The following TMEM178B variants were observed in gnomAD, a reference collection of about 807,000 sequenced individuals.
TMEM178B encodes transmembrane protein 178B.
TMEM178B carries 5 observed loss-of-function variants against 31.0 expected under a neutral mutation model. The observed-to-expected ratio is 0.16, with a 90% confidence interval of 0.08 to 0.34. The LOEUF (loss-of-function observed/expected upper bound fraction) is 0.34, where lower values mean the gene tolerates loss of function less well. Among genes scored for constraint, TMEM178B ranks in the 10% least tolerant of loss-of-function variants. TMEM178B has a pLI of 1.00. For missense variants in TMEM178B, 275 were observed against 400.3 expected (o/e 0.69, Z 2.67); for synonymous variants, 164 against 164.0 (o/e 1.00, Z 0.00).
Position 141,156,080 on chromosome 7 carries a change from C to A in TMEM178B, c.383-56511C>A, listed in dbSNP as rs369133938. 7.8e-4 allele frequency among the ~76,000 whole-genome samples: 119 copies of A among 152,122 alleles called. 4 individuals are homozygous for A. Among genetic ancestry groups the A allele is most frequent in the African/African-American group, 2.6e-3 (108 of 41,514 alleles). On this transcript the variant is annotated intron_variant, in intron 1 of 3. Transcript: ENST00000565468. ...ACTCCATCTCAAACAACCAAAAAAA[C>A]CCCAAAACAAATATGGAGTGACCCA... is the stretch of plus-strand genomic sequence containing the variant.
At chr7:141,209,518 C>A (rs1407629322) in intron 1 of TMEM178B, among the ~76,000 whole-genome samples, 3 of 152,228 alleles carry the variant, frequency 2.0e-5, no homozygotes, top group Non-Finnish European at 4.4e-5. Context: ...TTATTCATTT[C>A]TTTCCTCAAA....
intron 2 of TMEM178B, among the ~76,000 whole-genome samples, chr7:141,240,626 C>T (rs550167858): frequency 1.0e-3 from 152 of 152,326 alleles, no homozygotes; most frequent in South Asian, 7.2e-3. Flanking sequence ...GATTAGATTG[C>T]ATTTTAATAC....
intron 2 of TMEM178B, among the ~76,000 whole-genome samples, chr7:141,322,908 A>G (rs1799126051): frequency 6.6e-6 from 1 of 152,194 alleles, no homozygotes; most frequent in Non-Finnish European, 1.5e-5. Context: ...AACATTAATT[A>G]GTGAGCTAGA....
At chr7:141,459,140 C>T (rs1272356397) in intron 3 of TMEM178B, among the ~76,000 whole-genome samples, 1 of 152,228 alleles carries the variant, frequency 6.6e-6, no homozygotes, top group African/African-American at 2.4e-5. Context: ...AGCAATTCTC[C>T]TGCCTCAGCC....
chr7:141,076,085 C>T (rs1194196373), intron 1 of TMEM178B, among the ~76,000 whole-genome samples: 1 of 152,078 alleles, frequency 6.6e-6, no homozygotes, highest in African/African-American at 2.4e-5. Context: ...GTTAATACAA[C>T]CAATATCCCA....
chr7:141,193,511 G>A (rs758707544), intron 1 of TMEM178B, among the ~76,000 whole-genome samples: 9 of 152,196 alleles, frequency 5.9e-5, no homozygotes, highest in Non-Finnish European at 8.8e-5. Context: ...GTCCCAGGGG[G>A]TACCCACTTG....
chr7:141,270,371 G>A (rs914711409), intron 2 of TMEM178B, among the ~76,000 whole-genome samples: 2 of 152,090 alleles, frequency 1.3e-5, no homozygotes, highest in Non-Finnish European at 2.9e-5. Context: ...TTGGCTCACC[G>A]CAGCCTCTGC....
At chr7:141,076,460 A>G (rs982942145) in intron 1 of TMEM178B, among the ~76,000 whole-genome samples, 11 of 152,198 alleles carry the variant, frequency 7.2e-5, no homozygotes, top group Admixed American at 1.3e-4. Flanking sequence ...AGAATAAGAG[A>G]GGTATCCCTT....
intron 3 of TMEM178B, among the ~76,000 whole-genome samples, chr7:141,456,022 C>T (rs955765053): frequency 2.0e-5 from 3 of 152,234 alleles, no homozygotes; most frequent in Non-Finnish European, 4.4e-5. Context: ...GGGCCCAATC[C>T]TTCCATGCTT....
At chr7:141,334,133 A>G (rs1172780195) in intron 2 of TMEM178B, among the ~76,000 whole-genome samples, 1 of 152,106 alleles carries the variant, frequency 6.6e-6, no homozygotes, top group Non-Finnish European at 1.5e-5. Context: ...ACTCCACACA[A>G]CCCTGGGATA....
chr7:141,372,896 G>A (rs913663528), intron 2 of TMEM178B, among the ~76,000 whole-genome samples: 3 of 152,208 alleles, frequency 2.0e-5, no homozygotes, highest in African/African-American at 7.2e-5. Flanking sequence ...AAGACTGGAG[G>A]CAGCGGTGAT....
At chr7:141,353,528 G>A (rs1390627309) in intron 2 of TMEM178B, among the ~76,000 whole-genome samples, 1 of 152,150 alleles carries the variant, frequency 6.6e-6, no homozygotes, top group Non-Finnish European at 1.5e-5. Context: ...TCTGCCTATA[G>A]CCTGTAACTT....
chr7:141,344,473 T>G lies in TMEM178B; in HGVS notation c.497-93135T>G, dbSNP rs1799572868. On this transcript the variant is annotated intron_variant, in intron 2 of 3. Transcript: ENST00000565468. The surrounding 1 kb of genome is among the most constrained non-coding windows in gnomAD (Gnocchi z 4.1). ...AAAAGTTATAAGTTTCTCACACATT[T>G]TAGGCACTCTTTTTACTTTGAAATT... Among the ~76,000 whole-genome samples, 5 of 152,216 alleles carry G rather than the reference T, an allele frequency of 3.3e-5. No individual in the cohort carries two copies. Among genetic ancestry groups the G allele is most frequent in the Admixed American group, 3.3e-4 (5 of 15,282 alleles).
chr7:141,266,955 G>A (rs1798103659), intron 2 of TMEM178B, among the ~76,000 whole-genome samples: 1 of 152,178 alleles, frequency 6.6e-6, no homozygotes, highest in Non-Finnish European at 1.5e-5. Flanking sequence ...AAGCCCACAG[G>A]GCCTGCCTCT....
intron 1 of TMEM178B, among the ~76,000 whole-genome samples, chr7:141,187,933 G>A (rs1796637467): frequency 6.6e-6 from 1 of 152,130 alleles, no homozygotes; most frequent in African/African-American, 2.4e-5. Context: ...CTGTGCAGAA[G>A]CTCTTTAGTT....
chr7:141,081,854 ACC>A, intron 1 of TMEM178B, among the ~76,000 whole-genome samples: 1 of 152,090 alleles, frequency 6.6e-6, no homozygotes, highest in African/African-American at 2.4e-5. Flanking sequence ...CTCGCCACTC[ACC>A]TCTCACTCAC....
At chr7:141,364,210 T>C (rs1464832838) in intron 2 of TMEM178B, among the ~76,000 whole-genome samples, 1 of 152,222 alleles carries the variant, frequency 6.6e-6, no homozygotes, top group Non-Finnish European at 1.5e-5. Context: ...CTTTGCAAAG[T>C]GAGCAGTTCC....
chr7:141,267,362 G>C (rs1264924646), intron 2 of TMEM178B, among the ~76,000 whole-genome samples: 1 of 152,176 alleles, frequency 6.6e-6, no homozygotes, highest in Non-Finnish European at 1.5e-5. Flanking sequence ...TTTTTAGAGA[G>C]AACTGAAAAG....
At position 141,344,705 on chromosome 7, in the gene TMEM178B, A is replaced by G. The variant is rs1469868462; in HGVS notation, c.497-92903A>G. Among the ~76,000 whole-genome samples, 4 of 152,036 alleles carry G rather than the reference A, an allele frequency of 2.6e-5. No homozygotes were observed. Among genetic ancestry groups the G allele is most frequent in the Non-Finnish European group, 5.9e-5 (4 of 68,012 alleles). ...ATAAAACAATAAAGATGGACACAGA[A>G]GGTACAGCACCCCCCAACACACACA... On this transcript the variant is annotated intron_variant, in intron 2 of 3. Coordinates refer to ENST00000565468, the MANE Select transcript of TMEM178B (RefSeq NM_001195278.2). This position sits in a 1 kb window ranked among gnomAD's most constrained non-coding sequence, Gnocchi z 4.1.
Sources: gnomAD v4.1 joint callset for allele counts (sites outside exome capture counted in the v4.1 genomes callset) on GRCh38, gnomAD v4.1.1 for gene constraint, Gnocchi (gnomAD v3.1) non-coding constraint, MANE v1.5 for transcripts, NCBI Gene and HGNC (gene_info 2026-07-23, HGNC 2026-07-21) for gene names.